Variants in TYW1 observed in about 807,000 individuals in gnomAD.
TYW1 encodes S-adenosyl-L-methionine-dependent tRNA 4-demethylwyosine synthase TYW1.
Under a neutral mutation model 96.2 loss-of-function variants are expected in TYW1, and 46 were observed. The observed-to-expected ratio is 0.48, with a 90% CI of 0.38 to 0.61. The LOEUF is 0.61. TYW1 is among the 20% of genes least tolerant of loss of function. TYW1 has a pLI of 0.00. For missense variants in TYW1, 684 were observed against 909.6 expected (o/e 0.75, Z 3.19); for synonymous variants, 274 against 323.0 (o/e 0.85, Z 1.63).
intron 12 of TYW1, among the ~76,000 whole-genome samples, chr7:67,110,763 G>A (rs925378191): frequency 6.6e-6 from 1 of 152,108 alleles, no homozygotes; most frequent in Non-Finnish European, 1.5e-5. Flanking sequence ...CTTGAACTTC[G>A]GGAGGCTGGG....
intron 7 of TYW1, among the ~76,000 whole-genome samples, chr7:67,032,510 A>G (rs1402416078): frequency 4.6e-5 from 7 of 152,124 alleles, no homozygotes; most frequent in Non-Finnish European, 8.8e-5. Context: ...AATCTCAGCT[A>G]CTCGGGAGGC....
chr7:67,147,394 T>C (rs1798641909), intron 13 of TYW1, among the ~76,000 whole-genome samples: 1 of 151,876 alleles, frequency 6.6e-6, no homozygotes, highest in Non-Finnish European at 1.5e-5. Context: ...CATATATTGC[T>C]GTGACCAAGT....
At chr7:67,135,302 G>GTTTTTGTTTTTTTTTT (rs1285318169) in intron 13 of TYW1, among the ~76,000 whole-genome samples, 5 of 111,816 alleles carry the variant, frequency 4.5e-5, no homozygotes, top group African/African-American at 1.9e-4. Context: ...TGTTAAAACA[G>GTTTTTGTTTTTTTTTT]TTTTTTTTTT....
chr7:67,136,237 G>A (rs567195570), intron 13 of TYW1, among the ~76,000 whole-genome samples: 58 of 152,238 alleles, frequency 3.8e-4, no homozygotes, highest in African/African-American at 1.4e-3. Flanking sequence ...AACCATAACC[G>A]TTTCCAGAAC....
chr7:67,148,336 AGTGTC>A, intron 13 of TYW1, among the ~76,000 whole-genome samples: 1 of 151,246 alleles, frequency 6.6e-6, no homozygotes, highest in African/African-American at 2.4e-5. Flanking sequence ...CGTTCAACAG[AGTGTC>A]GTAAGATTAA....
chr7:67,022,878 A>C (rs2129245750), intron 6 of TYW1, among the ~76,000 whole-genome samples: 1 of 152,316 alleles, frequency 6.6e-6, no homozygotes, highest in South Asian at 2.1e-4. Context: ...CCACTTCTGT[A>C]GTCTCAGGCT....
intron 7 of TYW1, among the ~76,000 whole-genome samples, chr7:67,042,642 T>C (rs1362966250): frequency 2.6e-5 from 4 of 152,042 alleles, no homozygotes; most frequent in African/African-American, 9.7e-5. Flanking sequence ...CAATGTGATT[T>C]GATTGAATTG....
chr7:67,154,163 C>T (rs1188460029), intron 13 of TYW1, among the ~76,000 whole-genome samples: 5 of 152,160 alleles, frequency 3.3e-5, no homozygotes, highest in Admixed American at 6.5e-5. Context: ...ACCTCATGAT[C>T]CACCTGCCTT....
chr7:67,211,150 T>C (rs1420879153), intron 15 of TYW1, among the ~76,000 whole-genome samples: 2 of 125,724 alleles, frequency 1.6e-5, no homozygotes, highest in Non-Finnish European at 3.5e-5. Context: ...CCCATCAACA[T>C]TGTGTGTGTG....
chr7:67,142,810 G>C (rs1192647497), intron 13 of TYW1, among the ~76,000 whole-genome samples: 1 of 152,068 alleles, frequency 6.6e-6, no homozygotes, highest in Non-Finnish European at 1.5e-5. Context: ...CAACATTTTT[G>C]GGAGGCTGAG....
intron 10 of TYW1, among the ~76,000 whole-genome samples, chr7:67,073,254 C>T (rs914836491): frequency 2.6e-5 from 4 of 152,026 alleles, no homozygotes; most frequent in African/African-American, 7.3e-5. Flanking sequence ...GACAATGTCT[C>T]GAGATATTTT....
intron 3 of TYW1, among the ~76,000 whole-genome samples, chr7:67,004,649 A>G (rs1443302791): frequency 6.6e-6 from 1 of 152,178 alleles, no homozygotes; most frequent in Non-Finnish European, 1.5e-5. Flanking sequence ...CTTGTAAGGC[A>G]GGTCTGGTTG....
chr7:67,220,500 G>C (rs1378809541), intron 15 of TYW1, among the ~76,000 whole-genome samples: 5 of 151,806 alleles, frequency 3.3e-5, no homozygotes, highest in African/African-American at 1.2e-4. Context: ...ACCACGCCTG[G>C]CCTCATTTAT....
chr7:67,009,567 T>G lies in TYW1; in HGVS notation c.274-16T>G, dbSNP rs752198910. ...TCATTGAAGACTTTATTTGATGTTT[T>G]TTTTGGTCCTATTAGGGATTCGCAA... On this transcript the variant is annotated splice_polypyrimidine_tract_variant and intron_variant, in intron 3 of 15. Transcript: ENST00000359626. 3.1e-6 allele frequency: 5 copies of G among 1,606,924 alleles called. No individual in the cohort carries two copies. The African/African-American group carries it at 5.4e-5, about 17-fold the overall frequency.
intron 15 of TYW1, among the ~76,000 whole-genome samples, chr7:67,205,644 G>A (rs1196753954): frequency 2.0e-5 from 3 of 152,030 alleles, no homozygotes; most frequent in Non-Finnish European, 2.9e-5. Context: ...GGTGAAGGTG[G>A]GAATCTAGGT....
rs139069631 is a variant in TYW1, at chr7:67,025,880, C to G, written c.984+858C>G. ...CCATAAGCCTTAAAAAAAAAAGCTA[C>G]TAGAAAATCCAAGAAAATCAATGCT... is the stretch of plus-strand genomic sequence containing the variant. On this transcript the variant is annotated intron_variant, in intron 7 of 15. Transcript: ENST00000359626. Among the ~76,000 whole-genome samples, 619 of 151,734 alleles carry G rather than the reference C, an allele frequency of 4.1e-3. 2 individuals carry two copies. The highest frequency in any genetic ancestry group is 7.7e-3 in the Admixed American group (118 of 15,236).
intron 15 of TYW1, among the ~76,000 whole-genome samples, chr7:67,219,698 G>GT (rs60226540): frequency 6.9e-4 from 102 of 147,342 alleles, no homozygotes; most frequent in African/African-American, 1.0e-3. Context: ...CACTCTTACA[G>GT]TTTTTTTTTT....
At chr7:67,073,255 G>A (rs947587466) in intron 10 of TYW1, among the ~76,000 whole-genome samples, 1 of 152,010 alleles carries the variant, frequency 6.6e-6, no homozygotes, top group African/African-American at 2.4e-5. Context: ...ACAATGTCTC[G>A]AGATATTTTT....
intron 14 of TYW1, among the ~76,000 whole-genome samples, chr7:67,183,965 C>G (rs965657188): frequency 7.9e-5 from 12 of 152,002 alleles, no homozygotes; most frequent in African/African-American, 2.9e-4. Flanking sequence ...GTAGCTGGGA[C>G]TAGAGGTGCA....
Sources: allele counts gnomAD v4.1 joint callset (sites outside exome capture counted in the v4.1 genomes callset), GRCh38; gene constraint gnomAD v4.1.1; transcripts MANE v1.5; gene names NCBI Gene and HGNC (gene_info 2026-07-23, HGNC 2026-07-21).